RGL1: variants seen among roughly 807,000 people sequenced by gnomAD.
RGL1 encodes the protein ral guanine nucleotide dissociation stimulator-like 1.
Under a neutral mutation model 95.2 loss-of-function variants are expected in RGL1, and 24 were observed. The ratio of observed to expected loss-of-function variants is 0.25; its 90% CI spans 0.18 to 0.35. The LOEUF (loss-of-function observed/expected upper bound fraction) is 0.35, where lower values mean the gene tolerates loss of function less well. RGL1 is among the 10% of genes least tolerant of loss of function. The pLI is 1.00. For missense variants in RGL1, 715 were observed against 936.3 expected (o/e 0.76, Z 3.08); for synonymous variants, 329 against 344.9 (o/e 0.95, Z 0.51).
At chr1:183,904,782 A>G in intron 12 of RGL1, 68 bp from the exon 13 acceptor site, 992 of 986,256 alleles carry the variant, frequency 1.0e-3, no homozygotes, top group Non-Finnish European at 1.4e-3. Flanking sequence ...ATGTTGAAAG[A>G]TTCTATATTT....
chr1:183,820,744 A>G (rs1464379686), intron 2 of RGL1, among the ~76,000 whole-genome samples: 1 of 152,194 alleles, frequency 6.6e-6, no homozygotes, highest in African/African-American at 2.4e-5. Context: ...ATAATGTAAA[A>G]TATCTCAGTA....
At chr1:183,819,733 CT>C (rs1013934465) in intron 2 of RGL1, among the ~76,000 whole-genome samples, 1 of 149,946 alleles carries the variant, frequency 6.7e-6, no homozygotes, top group Non-Finnish European at 1.5e-5. Context: ...GAAGGATGGA[CT>C]TTTTTTTAAA....
chr1:183,647,527 A>C, intron 1 of RGL1: 1 of 1,242,854 alleles, frequency 8.0e-7, no homozygotes, highest in Non-Finnish European at 1.1e-6. Context: ...TAACTTTATA[A>C]TAGTTGATAT....
At chr1:183,906,741 G>A (rs1474593483) in intron 13 of RGL1, among the ~76,000 whole-genome samples, 2 of 152,094 alleles carry the variant, frequency 1.3e-5, no homozygotes, top group Non-Finnish European at 2.9e-5. Context: ...TGCTGCCAAA[G>A]TGCATATATC....
At chr1:183,787,375 G>A (rs1295927984) in intron 2 of RGL1, among the ~76,000 whole-genome samples, 1 of 152,168 alleles carries the variant, frequency 6.6e-6, no homozygotes, top group Non-Finnish European at 1.5e-5. Context: ...ACAGCATTCA[G>A]TACTTCTAAA....
chr1:183,761,992 A>G (rs999390926), intron 2 of RGL1, among the ~76,000 whole-genome samples: 1 of 152,214 alleles, frequency 6.6e-6, no homozygotes, highest in African/African-American at 2.4e-5. Context: ...AACTGAAGAA[A>G]GTTAGGGCTT....
rs777065805 is a variant in RGL1 at position 183,653,481 on chromosome 1, A to G, written c.-33+16980A>G. ...ATAATAGCTGACTGTTGAAGAGAAC[A>G]TGTTGCAGTTTTTCTCCTGCTAGCT... On this transcript the variant is annotated intron_variant, in intron 1 of 18. Coordinates refer to the RGL1 transcript ENST00000304685. Among the ~76,000 whole-genome samples, 38 of 152,350 alleles carry G rather than the reference A, an allele frequency of 2.5e-4. No homozygotes were observed. The South Asian group carries it at 3.7e-3, about 15-fold the overall frequency.
rs117816190 is a variant in RGL1, at chr1:183,896,311, G to C, written c.1141-1497G>C. 1.9e-3 allele frequency among the ~76,000 whole-genome samples: 286 copies of C among 152,324 alleles called. 4 individuals are homozygous for C. The East Asian group carries it at 0.024, about 13-fold the overall frequency. On this transcript the variant is annotated intron_variant, in intron 9 of 17. Coordinates refer to ENST00000360851, the MANE Select transcript of RGL1 (RefSeq NM_001297671.3). ...AGCGACCCTCCTGCCTCAGCCTTCTGAGTAGCTAGGATTACAGGCGCATGC... is the reference window on the plus strand; with the variant it reads ...AGCGACCCTCCTGCCTCAGCCTTCTCAGTAGCTAGGATTACAGGCGCATGC...
chr1:183,726,395 A>C (rs1326110387), intron 1 of RGL1, among the ~76,000 whole-genome samples: 1 of 152,120 alleles, frequency 6.6e-6, no homozygotes, highest in African/African-American at 2.4e-5. Context: ...GATCAAAAAA[A>C]CAAAAAGGAT....
intron 1 of RGL1, among the ~76,000 whole-genome samples, chr1:183,719,431 G>T (rs1340207559): frequency 1.3e-5 from 2 of 152,110 alleles, no homozygotes; most frequent in Non-Finnish European, 2.9e-5. Context: ...ATCTTGAGAA[G>T]AGTACTTGGT....
intron 1 of RGL1, among the ~76,000 whole-genome samples, chr1:183,719,299 C>G (rs1272451341): frequency 6.6e-6 from 1 of 152,184 alleles, no homozygotes; most frequent in African/African-American, 2.4e-5. Context: ...CTGAGCAGTC[C>G]TGCACCTTGA....
In RGL1 at chr1:183,688,431, C is replaced by T. The variant is rs150991499; in HGVS notation, c.-33+51930C>T. Among the ~76,000 whole-genome samples, 776 of 151,866 alleles carry T rather than the reference C, an allele frequency of 5.1e-3. 8 individuals carry two copies. Among genetic ancestry groups the T allele is most frequent in the African/African-American group, 0.018 (751 of 41,340 alleles). On this transcript the variant is annotated intron_variant, in intron 1 of 18. Transcript: ENST00000304685. ...AATTTTGGAGCATCCTCCAGGCTCT[C>T]AAAATGAAATCTCTGGATCTACTGA...
intron 2 of RGL1, among the ~76,000 whole-genome samples, chr1:183,838,713 C>T (rs1297854544): frequency 1.3e-5 from 2 of 152,232 alleles, no homozygotes; most frequent in Non-Finnish European, 2.9e-5. Flanking sequence ...AAGAAAATGT[C>T]TCAGCCAGTG....
chr1:183,777,381 G>A (rs569379512), intron 2 of RGL1, among the ~76,000 whole-genome samples: 1 of 152,164 alleles, frequency 6.6e-6, no homozygotes, highest in African/African-American at 2.4e-5. Context: ...CCAATGGCAT[G>A]TGTCCATTAT....
In RGL1 at chr1:183,897,932, AGAG is replaced by A. The variant is rs763197458; in HGVS notation, c.1230+39_1230+41del. 1.0e-5 allele frequency: 16 copies of A among 1,575,844 alleles called. No individual in the cohort carries two copies. In the East Asian group the frequency reaches 2.5e-4, roughly 24 times the overall value. ...GCCCTCGTCTTCCCTGACAGCTCACAGAGGAGAAGGGCCGTGTGCGTCTGGGCT... is the reference window on the plus strand; with the variant it reads ...GCCCTCGTCTTCCCTGACAGCTCACAGAGAAGGGCCGTGTGCGTCTGGGCT... On this transcript the variant is annotated intron_variant, in intron 10 of 17. Transcript: ENST00000360851.
At chr1:183,748,898 A>T (rs550530690) in intron 2 of RGL1, among the ~76,000 whole-genome samples, 7 of 152,154 alleles carry the variant, frequency 4.6e-5, no homozygotes, top group African/African-American at 2.4e-5. Context: ...ATTCAGAAGC[A>T]AGTTGTTCAG....
In RGL1 at chr1:183,860,436, T is replaced by C. The variant is rs577130256; in HGVS notation, c.348-5560T>C. On this transcript the variant is annotated intron_variant, in intron 3 of 17. Coordinates refer to ENST00000360851, the MANE Select transcript of RGL1 (RefSeq NM_001297671.3). ...AGGCCCTCAGCATCTGTCCTTGTCA[T>C]CTCCATGCCTCCTTTTCTATTCACG... Among the ~76,000 whole-genome samples, 4 of 152,296 alleles carry C rather than the reference T, an allele frequency of 2.6e-5. No individual in the cohort carries two copies. The East Asian group carries it at 5.8e-4, about 22-fold the overall frequency.
chr1:183,807,592 C>T (rs918007358), intron 2 of RGL1, among the ~76,000 whole-genome samples: 6 of 152,166 alleles, frequency 3.9e-5, no homozygotes, highest in African/African-American at 9.7e-5. Flanking sequence ...GGCCCATGGC[C>T]GGCAGCAATC....
In RGL1 at chr1:183,872,689, A is replaced by G. The variant is rs1438295651; in HGVS notation, c.425+6616A>G. ...AAGAGAAAGGAAAGGAGTTAAAGGA[A>G]GTTGGCTGTGTTACATTACTGCCTC... On this transcript the variant is annotated intron_variant, in intron 4 of 17. Transcript: ENST00000360851. 5.3e-5 allele frequency among the ~76,000 whole-genome samples: 8 copies of G among 152,378 alleles called. No individual in the cohort carries two copies. In the South Asian group the frequency reaches 1.7e-3, roughly 32 times the overall value.
Sources: allele counts gnomAD v4.1 joint callset (sites outside exome capture counted in the v4.1 genomes callset), GRCh38; gene constraint gnomAD v4.1.1; transcripts MANE v1.5; gene names NCBI Gene and HGNC (gene_info 2026-07-23, HGNC 2026-07-21).